Variants in PRKAR2B observed in about 807,000 individuals in gnomAD.
PRKAR2B encodes protein kinase cAMP-dependent type II regulatory subunit beta.
PRKAR2B carries 14 observed loss-of-function variants against 49.9 expected under a neutral mutation model. That is an observed-to-expected ratio of 0.28 (90% confidence interval 0.19 to 0.44). PRKAR2B has a LOEUF of 0.44. PRKAR2B is among the 20% of genes least tolerant of loss of function. PRKAR2B has a pLI of 1.00. For synonymous variants in PRKAR2B, 196 were observed against 197.7 expected (o/e 0.99, Z 0.07); for missense variants, 393 against 537.9 (o/e 0.73, Z 2.67).
intron 2 of PRKAR2B, among the ~76,000 whole-genome samples, chr7:107,086,114 A>G (rs1371986057): frequency 6.6e-6 from 1 of 152,196 alleles, no homozygotes; most frequent in Non-Finnish European, 1.5e-5. Context: ...CTTATTTATG[A>G]GTGAAGCATA....
intron 10 of PRKAR2B, among the ~76,000 whole-genome samples, chr7:107,158,586 GCT>G (rs1796140208): frequency 6.6e-6 from 1 of 152,068 alleles, no homozygotes; most frequent in Non-Finnish European, 1.5e-5. Flanking sequence ...GAAGGTTTTG[GCT>G]CCAACTTTTT....
intron 1 of PRKAR2B, among the ~76,000 whole-genome samples, chr7:107,057,991 G>A (rs1234410769): frequency 2.0e-5 from 3 of 151,096 alleles, no homozygotes; most frequent in African/African-American, 7.3e-5. Flanking sequence ...AAAACTTGCA[G>A]TTCTTTAAAT....
At chr7:107,154,377 C>G (rs1037621509) in intron 8 of PRKAR2B, among the ~76,000 whole-genome samples, 1 of 152,072 alleles carries the variant, frequency 6.6e-6, no homozygotes, top group African/African-American at 2.4e-5. Flanking sequence ...ATTCAGTTTT[C>G]ACCAGTTTTA....
chr7:107,140,721 A>G (rs188621629), intron 4 of PRKAR2B, 126 bp from the exon 5 acceptor site: 34 of 577,100 alleles, frequency 5.9e-5, no homozygotes, highest in African/African-American at 4.0e-4. Flanking sequence ...TTTTCTGACA[A>G]CATTTAGTGG....
At position 107,116,750 on chromosome 7, in the gene PRKAR2B, A is replaced by G. The variant is rs568648458; in HGVS notation, c.344-5202A>G. On this transcript the variant is annotated intron_variant, in intron 2 of 10. Transcript: ENST00000265717. ...TGAATTCAAATTTAAGAGCATTACT[A>G]ATGGATGAGAACAGGTCTATACCAA... Among the ~76,000 whole-genome samples, 3 of 152,010 alleles carry G rather than the reference A, an allele frequency of 2.0e-5. No homozygotes were observed. The South Asian group carries it at 6.2e-4, about 32-fold the overall frequency.
At chr7:107,098,790 C>T (rs568849062) in intron 2 of PRKAR2B, among the ~76,000 whole-genome samples, 4 of 152,236 alleles carry the variant, frequency 2.6e-5, no homozygotes, top group East Asian at 3.9e-4. Flanking sequence ...CACTCCAGAC[C>T]CTGTTTTCCT....
At chr7:107,090,895 T>C (rs1024356676) in intron 2 of PRKAR2B, among the ~76,000 whole-genome samples, 1 of 152,224 alleles carries the variant, frequency 6.6e-6, no homozygotes, top group Non-Finnish European at 1.5e-5. Flanking sequence ...ACCGTTATCT[T>C]GCATATCAGT....
chr7:107,045,283 T>C (rs1338997000), intron 1 of PRKAR2B, 69 bp downstream of exon 1: 2 of 1,318,464 alleles, frequency 1.5e-6, no homozygotes, highest in Non-Finnish European at 2.0e-6. Context: ...CCCGCTGTGC[T>C]CTCGGATCTT....
chr7:107,108,488 A>C (rs1461179643), intron 2 of PRKAR2B, among the ~76,000 whole-genome samples: 2 of 152,218 alleles, frequency 1.3e-5, no homozygotes, highest in East Asian at 3.8e-4. Flanking sequence ...GATAGGGGAT[A>C]ATGAACTACC....
intron 1 of PRKAR2B, among the ~76,000 whole-genome samples, chr7:107,056,480 CTT>C (rs1793914273): frequency 6.6e-6 from 1 of 152,148 alleles, no homozygotes; most frequent in Non-Finnish European, 1.5e-5. Flanking sequence ...TTTGTATCCT[CTT>C]TTATTTCATT....
intron 1 of PRKAR2B, among the ~76,000 whole-genome samples, chr7:107,054,835 A>C (rs897653357): frequency 5.9e-5 from 9 of 152,200 alleles, no homozygotes; most frequent in African/African-American, 2.2e-4. Flanking sequence ...ATTATACTTT[A>C]AGTTTTAGGG....
intron 2 of PRKAR2B, among the ~76,000 whole-genome samples, chr7:107,115,328 C>T (rs1795253372): frequency 6.6e-6 from 1 of 152,088 alleles, no homozygotes; most frequent in East Asian, 1.9e-4. Flanking sequence ...ATGAACATCG[C>T]TGGTCTGGGA....
intron 2 of PRKAR2B, among the ~76,000 whole-genome samples, chr7:107,101,900 C>A: frequency 1.7e-5 from 1 of 60,230 alleles, no homozygotes; most frequent in African/African-American, 6.0e-5. Flanking sequence ...TTTTTTTTTC[C>A]AGTTTTGTTT....
chr7:107,124,101 A>C (rs1482752298), intron 3 of PRKAR2B, among the ~76,000 whole-genome samples: 2 of 152,210 alleles, frequency 1.3e-5, no homozygotes, highest in Non-Finnish European at 2.9e-5. Flanking sequence ...AGACTCACCA[A>C]ATCAGTAAGT....
chr7:107,143,053 G>A (rs1262696630), intron 5 of PRKAR2B, among the ~76,000 whole-genome samples: 3 of 152,198 alleles, frequency 2.0e-5, no homozygotes, highest in Non-Finnish European at 4.4e-5. Flanking sequence ...GTAAGTCAGT[G>A]TGCCTGGCCT....
At chr7:107,154,285 A>G (rs1000481998) in intron 8 of PRKAR2B, among the ~76,000 whole-genome samples, 1 of 152,240 alleles carries the variant, frequency 6.6e-6, no homozygotes. Context: ...CTCTTCACCC[A>G]GTTTCTCCTA....
chr7:107,153,403 G>T, intron 8 of PRKAR2B, 152 bp downstream of exon 8: 1 of 503,664 alleles, frequency 2.0e-6, no homozygotes, highest in Non-Finnish European at 3.4e-6. Context: ...GTTAAAAATG[G>T]TTTCATTTAT....
At chr7:107,158,293 A>C (rs1796133986) in intron 10 of PRKAR2B, among the ~76,000 whole-genome samples, 1 of 152,120 alleles carries the variant, frequency 6.6e-6, no homozygotes, top group Admixed American at 6.5e-5. Flanking sequence ...AAAGTCTGTT[A>C]ATTTTTTTTC....
intron 4 of PRKAR2B, chr7:107,129,012 A>C (rs1400124465): frequency 1.3e-5 from 2 of 152,170 alleles, no homozygotes; most frequent in African/African-American, 4.8e-5. Flanking sequence ...ATGTGAAAAT[A>C]GAGTCAACTT....
Sources: allele counts gnomAD v4.1 joint callset (sites outside exome capture counted in the v4.1 genomes callset), GRCh38; gene constraint gnomAD v4.1.1; transcripts MANE v1.5; gene names NCBI Gene and HGNC (gene_info 2026-07-23, HGNC 2026-07-21).